The following CDKN2AIPNL variants were observed in gnomAD, a reference collection of about 807,000 sequenced individuals.
The protein encoded by CDKN2AIPNL is XRN2 binding domain containing 1, also known as CDKN2AIP N-terminal-like protein.
In CDKN2AIPNL, 9 loss-of-function variants were observed where a neutral mutation model predicts 12.9. The ratio of observed to expected loss-of-function variants is 0.70; its 90% CI spans 0.42 to 1.22. CDKN2AIPNL has a LOEUF of 1.22. Ranked by LOEUF, CDKN2AIPNL falls within the 50% of genes most tolerant of loss-of-function variation. CDKN2AIPNL has a pLI of 0.00. For missense variants in CDKN2AIPNL, 143 were observed against 153.6 expected (o/e 0.93, Z 0.37); for synonymous variants, 53 against 61.7 (o/e 0.86, Z 0.66).
chr5:134,410,090 T>A (rs1045348720), intron 1 of CDKN2AIPNL, 88 bp from the exon 2 acceptor site: 7 of 883,878 alleles, frequency 7.9e-6, no homozygotes, highest in Non-Finnish European at 1.3e-5. Context: ...AACTATAAAA[T>A]CAGCTCTCAG....
At chr5:134,408,707 A>G (rs1011378268) in intron 2 of CDKN2AIPNL, among the ~76,000 whole-genome samples, 2 of 151,934 alleles carry the variant, frequency 1.3e-5, no homozygotes, top group African/African-American at 4.8e-5. Flanking sequence ...ACAAACAAAC[A>G]AAAACAAAAA....
chr5:134,402,955 A>G (rs1443788686), intron 2 of CDKN2AIPNL, 29 bp from the exon 3 acceptor site: 14 of 1,595,284 alleles, frequency 8.8e-6, no homozygotes, highest in East Asian at 2.2e-5. Context: ...AAAAGGTTAC[A>G]TAACCATGTA....
chr5:134,411,718 CGCAG>C lies in CDKN2AIPNL; in HGVS notation c.133_136del (p.Leu45AlafsTer32). ...CGGGTCGCGGTAGTCGGGCAGGTGG[CGCAG>C]GATGAATTCCATGCGGGCCTTCCAT... is the stretch of plus-strand genomic sequence containing the variant. On this transcript the variant is annotated frameshift_variant, in exon 1 of 3. Coordinates refer to ENST00000458198, the MANE Select transcript of CDKN2AIPNL (RefSeq NM_080656.3). LOFTEE classifies it high-confidence loss of function. 1.2e-6 allele frequency: 2 copies of C among 1,613,006 alleles called. No homozygotes were observed. Among genetic ancestry groups the C allele is most frequent in the Non-Finnish European group, 1.7e-6 (2 of 1,179,796 alleles).
At chr5:134,406,811 G>A (rs1209411411) in intron 2 of CDKN2AIPNL, among the ~76,000 whole-genome samples, 3 of 152,162 alleles carry the variant, frequency 2.0e-5, no homozygotes. Context: ...TCAAGGCTGC[G>A]GGTAGCCGTG....
Position 134,404,628 on chromosome 5 carries a change from AT to A in CDKN2AIPNL, c.340-1703del, listed in dbSNP as rs113061543. Among the ~76,000 whole-genome samples, 883 of 138,010 alleles carry A rather than the reference AT, an allele frequency of 6.4e-3. 1 individual carries two copies. Among genetic ancestry groups the A allele is most frequent in the African/African-American group, 7.5e-3 (282 of 37,570 alleles). The allele number at this position is 138,010 out of a possible 152,430, so 90.5% of individuals were successfully genotyped here. A position where few individuals can be genotyped will look rare whatever the true frequency, so the allele number is the denominator to read the frequency against. ...CAGGCAGAGCCACTGGGCTAGGCTG[AT>A]TTTTTTTTTTTTTTTAATACTCACC... On this transcript the variant is annotated intron_variant, in intron 2 of 2. Coordinates refer to ENST00000458198, the MANE Select transcript of CDKN2AIPNL (RefSeq NM_080656.3).
chr5:134,404,821 C>T (rs917965987), intron 2 of CDKN2AIPNL, among the ~76,000 whole-genome samples: 13 of 152,212 alleles, frequency 8.5e-5, no homozygotes, highest in South Asian at 8.3e-4. Flanking sequence ...AGTCTCACTC[C>T]GTTGCCCAGG....
rs148783779 is a variant in CDKN2AIPNL, at chr5:134,408,441, G to A, written c.339+1462C>T. Among the ~76,000 whole-genome samples, 1,832 of 151,016 alleles carry A rather than the reference G, an allele frequency of 0.012. 58 individuals are homozygous for A. The East Asian group carries it at 0.13, about 11-fold the overall frequency. ...TCCCAGCACTTTGGGAGGCCGAGGC[G>A]GGCGGATCACGAGGTCAGGAGATCG... On this transcript the variant is annotated intron_variant, in intron 2 of 2. Coordinates refer to ENST00000458198, the MANE Select transcript of CDKN2AIPNL (RefSeq NM_080656.3).
chr5:134,407,783 A>T (rs1285822030), intron 2 of CDKN2AIPNL, among the ~76,000 whole-genome samples: 1 of 150,836 alleles, frequency 6.6e-6, no homozygotes, highest in East Asian at 1.9e-4. Context: ...AAAAAAAAAA[A>T]GGAAAATCAG....
intron 2 of CDKN2AIPNL, 96 bp from the exon 3 acceptor site, chr5:134,403,022 A>G (rs1467480927): frequency 6.9e-6 from 7 of 1,017,226 alleles, no homozygotes; most frequent in African/African-American, 4.8e-5. Flanking sequence ...TGTAATATTT[A>G]TGTACTATCC....
chr5:134,406,325 T>C (rs1447945669), intron 2 of CDKN2AIPNL, among the ~76,000 whole-genome samples: 1 of 152,218 alleles, frequency 6.6e-6, no homozygotes, highest in Non-Finnish European at 1.5e-5. Context: ...TCTAATTTTT[T>C]AGCTAAAGCA....
At chr5:134,405,260 C>G (rs1296697423) in intron 2 of CDKN2AIPNL, among the ~76,000 whole-genome samples, 1 of 151,254 alleles carries the variant, frequency 6.6e-6, no homozygotes, top group Non-Finnish European at 1.5e-5. Flanking sequence ...CGCCCGCCAC[C>G]GCGCCCGGCT....
chr5:134,410,022 A>C lies in CDKN2AIPNL; in HGVS notation c.240-20T>G, dbSNP rs757696293. On this transcript the variant is annotated intron_variant, in intron 1 of 2. Transcript: ENST00000458198. ...TTGTAACTGCACAATAAAAAGTAGT[A>C]AGGTAAAAACCTTGGAACAATTGTC... is the stretch of plus-strand genomic sequence containing the variant. 1.3e-6 allele frequency: 2 copies of C among 1,541,824 alleles called. No individual in the cohort carries two copies. Among genetic ancestry groups the C allele is most frequent in the Non-Finnish European group, 1.8e-6 (2 of 1,119,532 alleles).
chr5:134,409,867 A>C, intron 2 of CDKN2AIPNL, 36 bp downstream of exon 2: 1 of 1,371,756 alleles, frequency 7.3e-7, no homozygotes, highest in South Asian at 1.2e-5. Flanking sequence ...TTAACTCTAC[A>C]CCATTTCATC....
intron 2 of CDKN2AIPNL, among the ~76,000 whole-genome samples, chr5:134,406,728 A>T (rs1234739878): frequency 6.6e-6 from 1 of 152,198 alleles, no homozygotes; most frequent in East Asian, 1.9e-4. Context: ...AAATTAGCCA[A>T]GCATGGTGGT....
chr5:134,411,046 G>C (rs1370391225), intron 1 of CDKN2AIPNL: 4 of 702,446 alleles, frequency 5.7e-6, no homozygotes, highest in Non-Finnish European at 7.8e-6. Context: ...AGGGAAAGCA[G>C]AGAGGTGAAG....
At chr5:134,405,915 T>C (rs1227696019) in intron 2 of CDKN2AIPNL, among the ~76,000 whole-genome samples, 2 of 152,194 alleles carry the variant, frequency 1.3e-5, no homozygotes, top group Non-Finnish European at 2.9e-5. Context: ...CTTTCCTGAG[T>C]CAGCTGCTGC....
intron 2 of CDKN2AIPNL, among the ~76,000 whole-genome samples, chr5:134,403,392 ATAG>A (rs768606022): frequency 2.6e-5 from 4 of 152,244 alleles, no homozygotes; most frequent in African/African-American, 7.2e-5. Flanking sequence ...TTGTCTTCAA[ATAG>A]TGGTGAAATG....
At position 134,410,010 on chromosome 5, in the gene CDKN2AIPNL, A is replaced by G; in HGVS notation, c.240-8T>C. On this transcript the variant is annotated splice_region_variant and splice_polypyrimidine_tract_variant and intron_variant, in intron 1 of 2. Transcript: ENST00000458198. ...AAAAGGTCTTTATTGTAACTGCACA[A>G]TAAAAAGTAGTAAGGTAAAAACCTT... 1 of 1,587,752 alleles carries G rather than the reference A, an allele frequency of 6.3e-7. No individual in the cohort carries two copies.
chr5:134,411,755 C>T lies in CDKN2AIPNL; in HGVS notation c.100G>A (p.Glu34Lys), dbSNP rs747349675. The T allele has an allele frequency of 1.2e-6, 2 of 1,612,374 alleles. No individual in the cohort carries two copies. The highest frequency in any genetic ancestry group is 1.3e-5 in the African/African-American group (1 of 75,034). The change falls in exon 1 of 3, where the codon GAG (glutamate) becomes AAG (lysine). Residue 34 changes from glutamate (E) to lysine (K), a missense_variant. Around this residue, in one of 3 missense-constraint regions of CDKN2AIPNL, gnomAD observed 111 missense variants for 111.4 expected, o/e 1.00. Coordinates refer to ENST00000458198, the MANE Select transcript of CDKN2AIPNL (RefSeq NM_080656.3). ...TCCATGCGGGCCTTCCATTGCTTCTCGCTCTCTGAGTAGGAGCGGAACTGC... is the reference window on the plus strand; with the variant it reads ...TCCATGCGGGCCTTCCATTGCTTCTTGCTCTCTGAGTAGGAGCGGAACTGC... ...AEQFRSYSES[E>K]KQWKARMEFI...
Sources: allele counts gnomAD v4.1 joint callset (sites outside exome capture counted in the v4.1 genomes callset), GRCh38; gene constraint gnomAD v4.1.1; regional missense constraint gnomAD v4.1.1; transcripts MANE v1.5; gene names NCBI Gene and HGNC (gene_info 2026-07-23, HGNC 2026-07-21).